Variants in PARP1 observed in about 807,000 individuals in gnomAD.
The protein encoded by PARP1 is poly(ADP-ribose) polymerase 1.
A neutral mutation model predicts 118.7 loss-of-function variants in PARP1; 44 were observed. That is an observed-to-expected ratio of 0.37 (90% confidence interval 0.29 to 0.48). PARP1 has a LOEUF of 0.48. PARP1 is among the 20% of genes least tolerant of loss of function. The pLI is 0.99. For missense variants in PARP1, 1,100 were observed against 1,272.4 expected (o/e 0.86, Z 2.06); for synonymous variants, 492 against 483.2 (o/e 1.02, Z -0.24).
chr1:226,377,153 C>G lies in PARP1; in HGVS notation c.1896G>C (p.Thr632=), dbSNP rs200966933. ...GGGGGTAGAACTTTTTGGGATACTT[C>G]GTGAAATTTTTGGAGTGCCAAGCGT... ...TGNAWHSKNF[T]KYPKKFYPLE... is the part of the protein sequence containing the mutation. Residue 632 remains threonine (T), a synonymous_variant, in exon 13 of 23, where the codon ACG becomes ACC. Transcript: ENST00000366794. 1 of 1,614,048 alleles carries G rather than the reference C, an allele frequency of 6.2e-7. No homozygotes were observed. The highest frequency in any genetic ancestry group is 1.7e-5 in the Admixed American group (1 of 60,016).
intron 19 of PARP1, among the ~76,000 whole-genome samples, chr1:226,364,690 G>C (rs1384649544): frequency 6.6e-6 from 1 of 152,238 alleles, no homozygotes; most frequent in Admixed American, 6.5e-5. Context: ...CTCAGAGGTG[G>C]CCCGGCTGGG....
At chr1:226,380,500 A>T (rs573245798) in intron 9 of PARP1, among the ~76,000 whole-genome samples, 1 of 152,238 alleles carries the variant, frequency 6.6e-6, no homozygotes, top group African/African-American at 2.4e-5. Context: ...AGCATAATAA[A>T]CCCACACAGA....
At chr1:226,406,272 T>A (rs1169370010) in intron 1 of PARP1, among the ~76,000 whole-genome samples, 4 of 152,216 alleles carry the variant, frequency 2.6e-5, no homozygotes, top group Non-Finnish European at 5.9e-5. Flanking sequence ...GATGGAGATA[T>A]CAATTTTTTC....
intron 5 of PARP1, among the ~76,000 whole-genome samples, chr1:226,387,511 A>G (rs1664738116): frequency 6.6e-6 from 1 of 152,214 alleles, no homozygotes. Context: ...TGGCAAAGGT[A>G]CAGGCACACA....
At chr1:226,368,938 A>C (rs1664324927) in intron 15 of PARP1, among the ~76,000 whole-genome samples, 1 of 152,226 alleles carries the variant, frequency 6.6e-6, no homozygotes, top group South Asian at 2.1e-4. Flanking sequence ...GGAATTTCGC[A>C]GACAGCCTAG....
Position 226,390,513 on chromosome 1 carries a change from A to G in PARP1, c.514T>C (p.Phe172Leu). 6.2e-7 allele frequency: 1 copy of G among 1,614,192 alleles called. No individual in the cohort carries two copies. Among genetic ancestry groups the G allele is most frequent in the Non-Finnish European group, 8.5e-7 (1 of 1,180,038 alleles). ...CFVKNREELG[F>L]RPEYSASQLK... ...TGACTCGCACTGTACTCGGGCCGGAAACCCAGCTCCTCCCTGTTCTTGACA... is the reference window on the plus strand; with the variant it reads ...TGACTCGCACTGTACTCGGGCCGGAGACCCAGCTCCTCCCTGTTCTTGACA... Residue 172 changes from phenylalanine to leucine, a missense_variant, in exon 4 of 23, where the codon TTC becomes CTC. Physicochemically the swap from Phe to Leu is conservative, Grantham distance 22 (BLOSUM62 0). Transcript: ENST00000366794.
rs138175519 is a variant in PARP1, at chr1:226,361,977, T to G, written c.2955A>C (p.Leu985=). 1 of 1,565,100 alleles carries G rather than the reference T, an allele frequency of 6.4e-7. No individual in the cohort carries two copies. Among genetic ancestry groups the G allele is most frequent in the Non-Finnish European group, 8.8e-7 (1 of 1,135,244 alleles). ...TACTCAAGAAAGGATACTCGTTATA[T>G]AGTAGAGAGGTGTCATTCACACCAG... ...ISSGVNDTSL[L]YNEYIVYDIA... is the part of the protein sequence containing the mutation. The change falls in exon 22 of 23, where the codon CTA becomes CTC. Residue 985 remains leucine (L), a synonymous_variant. Transcript: ENST00000366794.
intron 14 of PARP1, among the ~76,000 whole-genome samples, chr1:226,372,305 T>C (rs1276302855): frequency 6.6e-6 from 1 of 152,212 alleles, no homozygotes; most frequent in African/African-American, 2.4e-5. Flanking sequence ...GCCTTTTAGC[T>C]TGTTTCAGCA....
At chr1:226,390,737 G>A (rs1664807997) in intron 3 of PARP1, 113 bp from the exon 4 acceptor site, 3 of 936,392 alleles carry the variant, frequency 3.2e-6, no homozygotes, top group Non-Finnish European at 3.4e-6. Flanking sequence ...GCCAAGGCCT[G>A]CCCGCCAACT....
chr1:226,368,377 G>A (rs13306118), intron 15 of PARP1, 56 bp from the exon 16 acceptor site: 24 of 1,612,508 alleles, frequency 1.5e-5, no homozygotes, highest in Middle Eastern at 3.3e-4. Flanking sequence ...CCAAGCCCCC[G>A]GCCAGGCTTT....
At chr1:226,364,980 C>A (rs565878928) in intron 19 of PARP1, 22 bp downstream of exon 19, 4 of 1,612,860 alleles carry the variant, frequency 2.5e-6, no homozygotes, top group Non-Finnish European at 2.5e-6. Context: ...ATTGCCCACC[C>A]CTCGCCAGGC....
In PARP1 at chr1:226,377,782, C is replaced by T. The variant is rs115275725; in HGVS notation, c.1746-479G>A. Among the ~76,000 whole-genome samples the T allele has an allele frequency of 6.2e-3, 951 of 152,294 alleles. 7 individuals are homozygous for T. Among genetic ancestry groups the T allele is most frequent in the African/African-American group, 0.022 (919 of 41,570 alleles). On this transcript the variant is annotated intron_variant, in intron 12 of 22. Transcript: ENST00000366794. ...AGGTCCGGTGACCTAGAGATGCAGG[C>T]TGTCATGTTCAAATTCCATCTCAAT...
chr1:226,367,980 T>TC (rs1233339901), intron 16 of PARP1, among the ~76,000 whole-genome samples: 2 of 152,150 alleles, frequency 1.3e-5, no homozygotes, highest in Non-Finnish European at 2.9e-5. Flanking sequence ...GCTGTCCCTC[T>TC]CCAACAGCTC....
intron 3 of PARP1, among the ~76,000 whole-genome samples, chr1:226,391,451 G>A (rs1664818265): frequency 6.6e-6 from 1 of 152,156 alleles, no homozygotes; most frequent in African/African-American, 2.4e-5. Flanking sequence ...GAATGCAGCA[G>A]GAGGGGTTCC....
intron 2 of PARP1, chr1:226,393,020 G>T (rs754799086): frequency 1.3e-6 from 2 of 1,510,166 alleles, no homozygotes; most frequent in South Asian, 1.3e-5. Context: ...AACACAAGGT[G>T]TAAGTTTGGA....
Position 226,399,169 on chromosome 1 carries a change from T to C in PARP1, c.286+3045A>G, listed in dbSNP as rs117188842. On this transcript the variant is annotated intron_variant, in intron 2 of 22. Coordinates refer to ENST00000366794, the MANE Select transcript of PARP1 (RefSeq NM_001618.4). ...GCTCACTGCAACCTCCGCCTCCCAG[T>C]ACAACCAATTCTCCTGTCTCGGCCT... is the stretch of plus-strand genomic sequence containing the variant. Among the ~76,000 whole-genome samples the C allele has an allele frequency of 4.6e-3, 688 of 150,010 alleles. 26 individuals are homozygous for C. The South Asian group carries it at 0.085, about 18-fold the overall frequency.
At chr1:226,370,398 A>AG (rs1340399294) in intron 15 of PARP1, 36 bp downstream of exon 15, 1 of 1,512,698 alleles carries the variant, frequency 6.6e-7, no homozygotes, top group South Asian at 1.1e-5. Flanking sequence ...CGGCCAGAGG[A>AG]GGGTTCCAGG....
Position 226,386,434 on chromosome 1 carries a change from G to A in PARP1, c.726C>T (p.Asn242=), listed in dbSNP as rs921493003. 3.7e-6 allele frequency: 6 copies of A among 1,609,804 alleles called. No homozygotes were observed. The highest frequency in any genetic ancestry group is 1.1e-5 in the South Asian group (1 of 90,990). ...SKLEKALKAQ[N]DLIWNIKDEL... The stretch of plus-strand genomic sequence containing the variant: ...CGTCCTTGATGTTCCAGATCAGGTC[G>A]TTCTGAGCCTATGGACAAGACCCAG... The change falls in exon 6 of 23, where the codon AAC becomes AAT. Residue 242 remains asparagine, a synonymous_variant. Transcript: ENST00000366794.
chr1:226,365,264 GAAGACTT>G (rs1664235031), intron 18 of PARP1, 110 bp from the exon 19 acceptor site: 4 of 1,200,564 alleles, frequency 3.3e-6, no homozygotes, highest in Non-Finnish European at 1.2e-6. Context: ...CCTAAGGCTA[GAAGACTT>G]AAGGTCTGCT....
Sources: allele counts gnomAD v4.1 joint callset (sites outside exome capture counted in the v4.1 genomes callset), GRCh38; gene constraint gnomAD v4.1.1; transcripts MANE v1.5; gene names NCBI Gene and HGNC (gene_info 2026-07-23, HGNC 2026-07-21).